The following FAM168A variants were observed in gnomAD, a reference collection of about 807,000 sequenced individuals.
FAM168A encodes the protein family with sequence similarity 168 member A, also known as protein FAM168A.
A neutral mutation model predicts 28.5 loss-of-function variants in FAM168A; 3 were observed. That is an observed-to-expected ratio of 0.11 (90% CI 0.05 to 0.27). The LOEUF (loss-of-function observed/expected upper bound fraction) is 0.27. Among genes scored for constraint, FAM168A ranks in the 10% least tolerant of loss-of-function variants. The pLI is 1.00. For missense variants in FAM168A, 222 were observed against 311.5 expected (o/e 0.71, Z 2.16); for synonymous variants, 122 against 124.2 (o/e 0.98, Z 0.12).
intron 1 of FAM168A, among the ~76,000 whole-genome samples, chr11:73,554,445 T>C (rs1032683053): frequency 1.3e-5 from 2 of 152,028 alleles, no homozygotes; most frequent in Admixed American, 6.6e-5. Flanking sequence ...TAGTATGATC[T>C]TAATTATATA....
intron 1 of FAM168A, among the ~76,000 whole-genome samples, chr11:73,515,328 G>A (rs975505900): frequency 9.9e-5 from 15 of 152,010 alleles, no homozygotes; most frequent in Admixed American, 3.3e-4. Flanking sequence ...TGACCAATAC[G>A]GTGAAGCTCC....
intron 1 of FAM168A, among the ~76,000 whole-genome samples, chr11:73,530,929 A>G (rs1452269775): frequency 6.6e-6 from 1 of 152,184 alleles, no homozygotes; most frequent in Non-Finnish European, 1.5e-5. Flanking sequence ...CCAACTCTCA[A>G]TAAACAATAA....
At chr11:73,473,598 T>C (rs1261158633) in intron 1 of FAM168A, among the ~76,000 whole-genome samples, 1 of 152,204 alleles carries the variant, frequency 6.6e-6, no homozygotes, top group Non-Finnish European at 1.5e-5. Context: ...TTCCTTGTTG[T>C]TCCCTGAAGA....
chr11:73,458,663 T>C (rs1226310180), intron 2 of FAM168A, among the ~76,000 whole-genome samples: 3 of 152,184 alleles, frequency 2.0e-5, no homozygotes, highest in African/African-American at 4.8e-5. Context: ...CAGGCTGGAG[T>C]GCAATGGTGC....
At chr11:73,583,063 G>A (rs1330870996) in intron 1 of FAM168A, among the ~76,000 whole-genome samples, 1 of 152,210 alleles carries the variant, frequency 6.6e-6, no homozygotes, top group South Asian at 2.1e-4. Flanking sequence ...CCAGCACCTT[G>A]GGAGGCCAAG....
intron 1 of FAM168A, among the ~76,000 whole-genome samples, chr11:73,476,441 C>T (rs1388034927): frequency 7.6e-6 from 1 of 132,056 alleles, no homozygotes; most frequent in Non-Finnish European, 1.6e-5. Context: ...CAACAACAAC[C>T]TCCTGATGGT....
At chr11:73,409,816 T>C (rs1253029048) in intron 5 of FAM168A, among the ~76,000 whole-genome samples, 155 bp from the exon 6 acceptor site, 1 of 152,192 alleles carries the variant, frequency 6.6e-6, no homozygotes, top group Non-Finnish European at 1.5e-5. Flanking sequence ...GGGCTCAGCT[T>C]CTGGTCTGAA....
At chr11:73,561,067 AAAAAAAC>A (rs980467446) in intron 1 of FAM168A, among the ~76,000 whole-genome samples, 17 of 140,366 alleles carry the variant, frequency 1.2e-4, no homozygotes, top group Non-Finnish European at 2.1e-4. Flanking sequence ...GTCCCAAAAA[AAAAAAAC>A]AAAAAACAAA....
At chr11:73,468,575 T>C in intron 1 of FAM168A, 83 bp from the exon 2 acceptor site, 1 of 1,184,810 alleles carries the variant, frequency 8.4e-7, no homozygotes. Context: ...ATCTTCAGTT[T>C]TCCCTGAAAG....
chr11:73,473,651 T>C (rs542593282), intron 1 of FAM168A, among the ~76,000 whole-genome samples: 2 of 152,208 alleles, frequency 1.3e-5, no homozygotes, highest in East Asian at 3.9e-4. Context: ...ACTTGCTTTT[T>C]CCCCACACCT....
chr11:73,406,050 C>T lies in FAM168A; in HGVS notation c.*713G>A, dbSNP rs1228933691. On this transcript the variant is annotated 3_prime_UTR_variant, in exon 8 of 8. Coordinates refer to ENST00000356467, the MANE Select transcript of FAM168A (RefSeq NM_015159.3). ...TGCTTTGGCCAGAGACCTTTCAAAC[C>T]AAAGCCATGAGGCAAGCACCGCTCC... The T allele has an allele frequency of 1.3e-5, 2 of 152,534 alleles. No homozygotes were observed. The highest frequency in any genetic ancestry group is 4.8e-5 in the African/African-American group (2 of 41,416). 9.4% of individuals were successfully genotyped at this position (152,534 alleles called of 1,614,324 possible). A position where few individuals can be genotyped will look rare whatever the true frequency, so the allele number is the denominator to read the frequency against.
At chr11:73,413,517 C>T (rs1047024322) in intron 4 of FAM168A, among the ~76,000 whole-genome samples, 6 of 152,104 alleles carry the variant, frequency 3.9e-5, no homozygotes, top group Admixed American at 3.9e-4. Flanking sequence ...GGGAGACTAG[C>T]TTTGCAGATG....
chr11:73,477,962 T>C lies in FAM168A; in HGVS notation c.-18-9470A>G, dbSNP rs79842492. Among the ~76,000 whole-genome samples, 1,013 of 145,514 alleles carry C rather than the reference T, an allele frequency of 7.0e-3. 15 individuals carry two copies. Among genetic ancestry groups the C allele is most frequent in the African/African-American group, 0.024 (957 of 39,318 alleles). ...ATAGATAGATAGATAGATAGATAGATAGATAGATAAAACAAGGTATAAATA... is the reference window on the plus strand; with the variant it reads ...ATAGATAGATAGATAGATAGATAGACAGATAGATAAAACAAGGTATAAATA... On this transcript the variant is annotated intron_variant, in intron 1 of 7. Transcript: ENST00000356467.
intron 1 of FAM168A, among the ~76,000 whole-genome samples, chr11:73,473,678 C>A (rs1262315829): frequency 6.6e-6 from 1 of 152,174 alleles, no homozygotes; most frequent in Non-Finnish European, 1.5e-5. Context: ...CCCTTTTCCC[C>A]AGATATCCAA....
chr11:73,404,591 T>C lies in FAM168A; in HGVS notation c.*2172A>G, dbSNP rs957255123. On this transcript the variant is annotated 3_prime_UTR_variant, in exon 8 of 8. Transcript: ENST00000356467. Reference sequence around the variant, plus strand: ...TGGAAAACTTTCTATTGTTTTAAAGTGAAACCTCATCAGCACCCAGAACAG... The same window carrying C: ...TGGAAAACTTTCTATTGTTTTAAAGCGAAACCTCATCAGCACCCAGAACAG... 2.6e-5 allele frequency: 4 copies of C among 152,232 alleles called. No individual in the cohort carries two copies. Among genetic ancestry groups the C allele is most frequent in the African/African-American group, 9.6e-5 (4 of 41,454 alleles). The allele number at this position is 152,232 out of a possible 1,614,324, so 9.4% of individuals were successfully genotyped here.
intron 1 of FAM168A, among the ~76,000 whole-genome samples, chr11:73,524,753 A>G (rs1014452203): frequency 6.6e-6 from 1 of 151,970 alleles, no homozygotes; most frequent in African/African-American, 2.4e-5. Context: ...ATGCGCCACC[A>G]TGCCTGCCTA....
intron 1 of FAM168A, among the ~76,000 whole-genome samples, chr11:73,584,558 T>G (rs1285278028): frequency 6.9e-6 from 1 of 144,630 alleles, no homozygotes; most frequent in Admixed American, 7.2e-5. Flanking sequence ...ACTGCAAGCA[T>G]CGCCTCCCGG....
At chr11:73,586,687 A>G (rs1944317102) in intron 1 of FAM168A, among the ~76,000 whole-genome samples, 1 of 152,218 alleles carries the variant, frequency 6.6e-6, no homozygotes, top group African/African-American at 2.4e-5. Flanking sequence ...GAAAAACCAA[A>G]GTCATTATAC....
At position 73,405,560 on chromosome 11, in the gene FAM168A, G is replaced by A. The variant is rs900767556; in HGVS notation, c.*1203C>T. 2.0e-5 allele frequency: 3 copies of A among 152,254 alleles called. No homozygotes were observed. The highest frequency in any genetic ancestry group is 6.5e-5 in the Admixed American group (1 of 15,286). The allele number at this position is 152,254 out of a possible 1,614,324, so 9.4% of individuals were successfully genotyped here. On this transcript the variant is annotated 3_prime_UTR_variant, in exon 8 of 8. Transcript: ENST00000356467. ...TCAGTTTCCTCATCTGCCAAATAGG[G>A]AAATGGATGAGATGATTGCTAAGGT... is the stretch of plus-strand genomic sequence containing the variant.
Sources: allele counts gnomAD v4.1 joint callset (sites outside exome capture counted in the v4.1 genomes callset), GRCh38; gene constraint gnomAD v4.1.1; transcripts MANE v1.5; gene names NCBI Gene and HGNC (gene_info 2026-07-23, HGNC 2026-07-21).